The following RIMS2 variants were observed in gnomAD, a reference collection of about 807,000 sequenced individuals.
The protein encoded by RIMS2 is regulating synaptic membrane exocytosis 2, also known as regulating synaptic membrane exocytosis protein 2.
Under a neutral mutation model 174.4 loss-of-function variants are expected in RIMS2, and 59 were observed. The observed-to-expected ratio is 0.34, with a 90% CI of 0.27 to 0.42. The LOEUF is 0.42. RIMS2 is among the 10% of genes least tolerant of loss of function. The probability of loss-of-function intolerance (pLI) is 1.00; values close to 1 mark genes in which losing one functional copy is unlikely to be tolerated. For missense variants in RIMS2, 1,620 were observed against 1,666.3 expected (o/e 0.97, Z 0.48); for synonymous variants, 606 against 572.5 (o/e 1.06, Z -0.84).
intron 16 of RIMS2, among the ~76,000 whole-genome samples, chr8:103,985,183 A>C (rs2094246915): frequency 6.6e-6 from 1 of 152,084 alleles, no homozygotes; most frequent in Non-Finnish European, 1.5e-5. Context: ...TAACTAAAAG[A>C]GTATAATCGG....
intron 4 of RIMS2, among the ~76,000 whole-genome samples, chr8:103,905,535 ATTAT>A (rs746148340): frequency 6.6e-6 from 1 of 151,764 alleles, no homozygotes; most frequent in South Asian, 2.1e-4. Context: ...TTTTAGTTTG[ATTAT>A]GGTGTATCTT....
intron 2 of RIMS2, among the ~76,000 whole-genome samples, chr8:103,751,460 C>G (rs1367488257): frequency 1.3e-5 from 2 of 151,552 alleles, no homozygotes; most frequent in Non-Finnish European, 1.5e-5. Context: ...GGGTATATAC[C>G]CAGTAATGGG....
chr8:103,783,271 T>C (rs1276938992), intron 3 of RIMS2, among the ~76,000 whole-genome samples: 4 of 108,056 alleles, frequency 3.7e-5, no homozygotes, highest in South Asian at 3.0e-4. Flanking sequence ...TCTTTTCTTT[T>C]TTTTTTTTTT....
intron 1 of RIMS2, among the ~76,000 whole-genome samples, chr8:103,580,137 A>G (rs569341454): frequency 6.6e-6 from 1 of 152,246 alleles, no homozygotes; most frequent in South Asian, 2.1e-4. Context: ...GAGAGGAATT[A>G]CAGAACAACC....
In RIMS2 at chr8:103,555,317, A is replaced by T. The variant is rs904539909; in HGVS notation, c.176+54255A>T. On this transcript the variant is annotated intron_variant, in intron 1 of 23. Transcript: ENST00000504942. ...AAATGCAAATTAAACCCACAAAGAT[A>T]TATTACCTCACAACTATTAGAATGA... Among the ~76,000 whole-genome samples the T allele has an allele frequency of 5.3e-5, 8 of 152,222 alleles. No individual in the cohort carries two copies. The East Asian group carries it at 1.5e-3, about 29-fold the overall frequency.
intron 1 of RIMS2, among the ~76,000 whole-genome samples, chr8:103,549,494 C>T (rs1409786714): frequency 2.6e-5 from 4 of 152,124 alleles, no homozygotes; most frequent in African/African-American, 4.8e-5. Flanking sequence ...AAGGAACAAC[C>T]AGTACCAGCC....
chr8:104,024,162 GA>G (rs2096187515), intron 19 of RIMS2, among the ~76,000 whole-genome samples: 1 of 152,284 alleles, frequency 6.6e-6, no homozygotes, highest in African/African-American at 2.4e-5. Context: ...CAGAATACAT[GA>G]AGGATATGTG....
rs151325222 is a variant in RIMS2, at chr8:103,815,305, C to A, written c.698+48768C>A. ...GTCAATATTTTGCCAATTTAATAGGCAAAATACATTATCTTATTATTTTTA... is the reference window on the plus strand; with the variant it reads ...GTCAATATTTTGCCAATTTAATAGGAAAAATACATTATCTTATTATTTTTA... On this transcript the variant is annotated intron_variant, in intron 3 of 23. Coordinates refer to ENST00000504942, the Ensembl canonical transcript of RIMS2. Among the ~76,000 whole-genome samples the A allele has an allele frequency of 4.5e-3, 686 of 152,210 alleles. 9 individuals carry two copies. Among genetic ancestry groups the A allele is most frequent in the African/African-American group, 0.014 (595 of 41,530 alleles).
chr8:103,586,414 G>C (rs981443980), intron 1 of RIMS2, among the ~76,000 whole-genome samples: 2 of 152,056 alleles, frequency 1.3e-5, no homozygotes, highest in African/African-American at 4.8e-5. Context: ...GACTACAGTG[G>C]AATAAAACTA....
intron 17 of RIMS2, among the ~76,000 whole-genome samples, chr8:103,991,782 T>G (rs1157125764): frequency 6.6e-6 from 1 of 152,168 alleles, no homozygotes; most frequent in Non-Finnish European, 1.5e-5. Context: ...ATGGCCTTGA[T>G]TTTGAATGCA....
intron 3 of RIMS2, among the ~76,000 whole-genome samples, chr8:103,862,094 C>T (rs2099061931): frequency 6.6e-6 from 1 of 151,838 alleles, no homozygotes; most frequent in Non-Finnish European, 1.5e-5. Context: ...TTTTCTAGGG[C>T]TTTTATAGTT....
At chr8:103,937,585 G>A (rs932896100) in intron 13 of RIMS2, among the ~76,000 whole-genome samples, 10 of 152,156 alleles carry the variant, frequency 6.6e-5, no homozygotes, top group African/African-American at 2.4e-4. Flanking sequence ...AGAGGAAAAT[G>A]CAATAGGAAT....
intron 19 of RIMS2, among the ~76,000 whole-genome samples, chr8:104,130,388 T>C (rs60563634): frequency 0.023 from 3,522 of 152,294 alleles, 149 homozygotes; most frequent in African/African-American, 0.08. Flanking sequence ...TTTTCTACTC[T>C]AGTAAAAATA....
chr8:103,991,178 C>CA, intron 17 of RIMS2, among the ~76,000 whole-genome samples: 1 of 151,302 alleles, frequency 6.6e-6, no homozygotes, highest in Non-Finnish European at 1.5e-5. Flanking sequence ...TTTAGTTTAG[C>CA]AAAAATGTTC....
At chr8:103,879,600 A>T (rs2099157837) in intron 3 of RIMS2, among the ~76,000 whole-genome samples, 1 of 151,526 alleles carries the variant, frequency 6.6e-6, no homozygotes. Flanking sequence ...TCTTCCCCCC[A>T]ATCTTTTCAA....
intron 2 of RIMS2, among the ~76,000 whole-genome samples, chr8:103,733,442 T>C (rs2097638309): frequency 6.6e-6 from 1 of 152,190 alleles, no homozygotes; most frequent in Admixed American, 6.5e-5. Context: ...CTTGGTTGCA[T>C]GTTCCCAAGT....
intron 19 of RIMS2, among the ~76,000 whole-genome samples, chr8:104,072,419 A>G (rs1365599322): frequency 6.6e-6 from 1 of 152,180 alleles, no homozygotes; most frequent in Non-Finnish European, 1.5e-5. Flanking sequence ...GAAGAAAATC[A>G]TTTAACAAAT....
At chr8:103,818,475 G>T (rs1268999464) in intron 3 of RIMS2, among the ~76,000 whole-genome samples, 3 of 152,068 alleles carry the variant, frequency 2.0e-5, no homozygotes, top group Admixed American at 2.0e-4. Flanking sequence ...ATGATGGGGT[G>T]GCTTTCCAAG....
chr8:103,619,090 G>T (rs2095571655), intron 1 of RIMS2, among the ~76,000 whole-genome samples: 1 of 124,044 alleles, frequency 8.1e-6, no homozygotes, highest in Admixed American at 8.1e-5. Context: ...TTCACTTTTT[G>T]CTGAAAAAAA....
Sources: gnomAD v4.1 joint callset for allele counts (sites outside exome capture counted in the v4.1 genomes callset) on GRCh38, gnomAD v4.1.1 for gene constraint, MANE v1.5 for transcripts, NCBI Gene and HGNC (gene_info 2026-07-23, HGNC 2026-07-21) for gene names.